Variants in CRTC3 observed in about 807,000 individuals in gnomAD.
The protein encoded by CRTC3 is CREB-regulated transcription coactivator 3.
CRTC3 carries 26 observed loss-of-function variants against 74.5 expected under a neutral mutation model. The ratio of observed to expected loss-of-function variants is 0.35; its 90% confidence interval spans 0.26 to 0.48. The LOEUF (loss-of-function observed/expected upper bound fraction) is 0.48. Ranked by LOEUF, CRTC3 falls within the 20% of genes least tolerant of loss-of-function variation. The pLI, the probability that CRTC3 is intolerant of heterozygous loss-of-function variation, is 0.99. For synonymous variants in CRTC3, 377 were observed against 325.8 expected (o/e 1.16, Z -1.69); for missense variants, 760 against 787.3 (o/e 0.97, Z 0.41).
chr15:90,603,359 C>T (rs1214592496), intron 4 of CRTC3, among the ~76,000 whole-genome samples: 1 of 151,290 alleles, frequency 6.6e-6, no homozygotes, highest in Non-Finnish European at 1.5e-5. Context: ...AGGAGAATGG[C>T]GTGAACCCAG....
At chr15:90,545,761 G>A (rs1966843201) in intron 2 of CRTC3, among the ~76,000 whole-genome samples, 1 of 152,050 alleles carries the variant, frequency 6.6e-6, no homozygotes, top group East Asian at 1.9e-4. Flanking sequence ...TGTATTTTTA[G>A]TAGAGACGGG....
intron 3 of CRTC3, chr15:90,598,667 TG>T (rs1967992604): frequency 3.2e-6 from 2 of 620,530 alleles, no homozygotes; most frequent in Non-Finnish European, 5.8e-6. Flanking sequence ...GTTGGATTTT[TG>T]GTAGAATTTG....
chr15:90,612,026 A>ACTCCTCCTCCTC lies in CRTC3; in HGVS notation c.578-2407_578-2396dup, dbSNP rs59213374. Among the ~76,000 whole-genome samples the ACTCCTCCTCCTC allele has an allele frequency of 1.4e-4, 7 of 51,242 alleles. 1 individual carries two copies. The highest frequency in any genetic ancestry group is 4.8e-4 in the Admixed American group (2 of 4,196). 33.6% of individuals were successfully genotyped at this position (51,242 alleles called of 152,430 possible). A position where few individuals can be genotyped will look rare whatever the true frequency, so the allele number is the denominator to read the frequency against. On this transcript the variant is annotated intron_variant, in intron 6 of 14. Coordinates refer to ENST00000268184, the MANE Select transcript of CRTC3 (RefSeq NM_022769.5). ...TCTTATCCTTCCCCAACCACCCCCC[A>ACTCCTCCTCCTC]CTCCTCCTCCTCCTCCTCCTCCTCC...
intron 2 of CRTC3, among the ~76,000 whole-genome samples, chr15:90,547,181 G>A (rs1339539363): frequency 6.6e-6 from 1 of 152,036 alleles, no homozygotes; most frequent in African/African-American, 2.4e-5. Flanking sequence ...ATACCTTGTG[G>A]AATGGCTAAA....
Position 90,604,429 on chromosome 15 carries a change from T to C in CRTC3, c.458T>C (p.Leu153Pro), listed in dbSNP as rs201381660. 11 of 1,613,844 alleles carry C rather than the reference T, an allele frequency of 6.8e-6. No homozygotes were observed. The Admixed American group carries it at 1.7e-4, about 24-fold the overall frequency. ...WKDEKHPGFR[L>P]TSALNRTNSD... ...GACGAAAAGCATCCTGGGTTCAGGC[T>C]GACATCTGCACTTAACAGGTACATG... is the stretch of plus-strand genomic sequence containing the variant. The change falls in exon 5 of 15, where the codon CTG becomes CCG. Residue 153 changes from leucine (L) to proline (P), a missense_variant. Physicochemically the swap from Leu to Pro is moderately conservative, Grantham distance 98. Coordinates refer to ENST00000268184, the MANE Select transcript of CRTC3 (RefSeq NM_022769.5).
At chr15:90,557,213 A>G (rs1057489431) in intron 2 of CRTC3, among the ~76,000 whole-genome samples, 14 of 152,100 alleles carry the variant, frequency 9.2e-5, no homozygotes, top group Non-Finnish European at 1.6e-4. Context: ...AACAATCGCA[A>G]GTTTAGCTTA....
At chr15:90,559,358 C>G (rs1014918012) in intron 2 of CRTC3, among the ~76,000 whole-genome samples, 4 of 152,120 alleles carry the variant, frequency 2.6e-5, no homozygotes, top group African/African-American at 9.7e-5. Context: ...CCCAAAAGGA[C>G]CTGAGCCACC....
At chr15:90,640,343 T>G (rs1048312303) in intron 13 of CRTC3, among the ~76,000 whole-genome samples, 1 of 152,014 alleles carries the variant, frequency 6.6e-6, no homozygotes, top group Non-Finnish European at 1.5e-5. Flanking sequence ...CTGAGTTTCC[T>G]CCTTCTGAGT....
chr15:90,538,297 A>G (rs1434663949), intron 1 of CRTC3, among the ~76,000 whole-genome samples: 1 of 148,740 alleles, frequency 6.7e-6, no homozygotes, highest in East Asian at 2.0e-4. Flanking sequence ...AAGCTGAGAG[A>G]CTTTATTCCT....
intron 11 of CRTC3, among the ~76,000 whole-genome samples, chr15:90,634,037 A>G (rs776669552): frequency 4.6e-5 from 7 of 151,882 alleles, no homozygotes; most frequent in Non-Finnish European, 1.0e-4. Flanking sequence ...TTTCTATAAT[A>G]GAATTTTCCT....
chr15:90,587,204 G>A (rs1475043390), intron 2 of CRTC3, among the ~76,000 whole-genome samples: 1 of 152,168 alleles, frequency 6.6e-6, no homozygotes, highest in Non-Finnish European at 1.5e-5. Context: ...GATGCTATGT[G>A]ATAGGTAGGT....
chr15:90,641,113 A>G lies in CRTC3; in HGVS notation c.1565A>G (p.Gln522Arg), dbSNP rs1333398777. The stretch of plus-strand genomic sequence containing the variant: ...TGCTTCCAGGTGCCTCTGGTGCAAC[A>G]AGGTTCCCGAGAACTGCAGGACTCT... ...AFPQQVPLVQ[Q>R]GSRELQDSFH... The change falls in exon 14 of 15, where the codon CAA becomes CGA. Residue 522 changes from glutamine (Q) to arginine (R), a missense_variant. Coordinates refer to ENST00000268184, the MANE Select transcript of CRTC3 (RefSeq NM_022769.5). 3.7e-6 allele frequency: 6 copies of G among 1,613,794 alleles called. No individual in the cohort carries two copies. In the South Asian group the frequency reaches 5.5e-5, roughly 15 times the overall value.
rs938326383 is a variant in CRTC3 at position 90,644,478 on chromosome 15, C to T, written c.*2338C>T. ...GCACAGCAGCCACCCTGCCTGGCAACAGAGACCCCAAGACCTACACAGTGA... is the reference window on the plus strand; with the variant it reads ...GCACAGCAGCCACCCTGCCTGGCAATAGAGACCCCAAGACCTACACAGTGA... On this transcript the variant is annotated 3_prime_UTR_variant, in exon 15 of 15. Coordinates refer to ENST00000268184, the MANE Select transcript of CRTC3 (RefSeq NM_022769.5). 28 of 228,106 alleles carry T rather than the reference C, an allele frequency of 1.2e-4. No homozygotes were observed. Among genetic ancestry groups the T allele is most frequent in the Non-Finnish European group, 2.3e-4 (27 of 115,894 alleles). 14.1% of individuals were successfully genotyped at this position (228,106 alleles called of 1,614,324 possible). A position where few individuals can be genotyped will look rare whatever the true frequency, so the allele number is the denominator to read the frequency against.
intron 3 of CRTC3, chr15:90,596,215 A>C (rs564311770): frequency 3.9e-5 from 6 of 152,280 alleles, no homozygotes; most frequent in Non-Finnish European, 8.8e-5. Context: ...GGGAGATGAC[A>C]GCAAACAGGC....
rs147530917 is a variant in CRTC3 at position 90,556,136 on chromosome 15, TTATAAG to T, written c.231+16005_231+16010del. On this transcript the variant is annotated intron_variant, in intron 2 of 14. Transcript: ENST00000268184. ...TATTTCCCTATGTCATTAAAATACT[TTATAAG>T]TATAATTTTAATAGCTAAATAATAT... is the stretch of plus-strand genomic sequence containing the variant. Among the ~76,000 whole-genome samples, 416 of 152,258 alleles carry T rather than the reference TTATAAG, an allele frequency of 2.7e-3. 1 individual carries two copies. Among genetic ancestry groups the T allele is most frequent in the African/African-American group, 9.7e-3 (402 of 41,572 alleles).
chr15:90,609,483 CAG>C (rs1292456706), intron 6 of CRTC3, among the ~76,000 whole-genome samples: 1 of 152,182 alleles, frequency 6.6e-6, no homozygotes, highest in African/African-American at 2.4e-5. Context: ...GCTAGACAGA[CAG>C]ATTTTTACCC....
chr15:90,550,351 G>A lies in CRTC3; in HGVS notation c.231+10214G>A, dbSNP rs1425498988. Among the ~76,000 whole-genome samples the A allele has an allele frequency of 3.3e-5, 5 of 151,440 alleles. No homozygotes were observed. In the South Asian group the frequency reaches 8.4e-4, roughly 25 times the overall value. ...CTTGAACCCGGGAGGTGGAAGTTGC[G>A]GTGTGCTGAGATCGCACCATTGCAC... is the stretch of plus-strand genomic sequence containing the variant. On this transcript the variant is annotated intron_variant, in intron 2 of 14. Transcript: ENST00000268184.
At chr15:90,562,808 G>C (rs531982269) in intron 2 of CRTC3, among the ~76,000 whole-genome samples, 2 of 152,000 alleles carry the variant, frequency 1.3e-5, no homozygotes, top group South Asian at 2.1e-4. Context: ...GATGGAAGAG[G>C]GGGGTCAGTT....
intron 2 of CRTC3, among the ~76,000 whole-genome samples, chr15:90,592,508 A>G (rs553547996): frequency 6.6e-6 from 1 of 152,356 alleles, no homozygotes; most frequent in East Asian, 1.9e-4. Context: ...TTTGACAACC[A>G]AAAAGGTTGC....
Sources: gnomAD v4.1 joint callset for allele counts (sites outside exome capture counted in the v4.1 genomes callset) on GRCh38, gnomAD v4.1.1 for gene constraint, MANE v1.5 for transcripts, NCBI Gene and HGNC (gene_info 2026-07-23, HGNC 2026-07-21) for gene names.